The following OTOG variants were observed in gnomAD, a reference collection of about 807,000 sequenced individuals.
The protein encoded by OTOG is otogelin.
Under a neutral mutation model 313.8 loss-of-function variants are expected in OTOG, and 296 were observed. The ratio of observed to expected loss-of-function variants is 0.94; its 90% CI spans 0.86 to 1.04. The LOEUF (loss-of-function observed/expected upper bound fraction) is 1.04, where lower values mean the gene tolerates loss of function less well. OTOG is among the 50% of genes least tolerant of loss of function. The pLI is 0.00. For synonymous variants in OTOG, 1,533 were observed against 1,554.9 expected (o/e 0.99, Z 0.33); for missense variants, 3,948 against 3,840.1 (o/e 1.03, Z -0.74).
At chr11:17,595,967 ATCTG>A in intron 28 of OTOG, 67 bp from the exon 29 acceptor site, 1 of 1,080,716 alleles carries the variant, frequency 9.3e-7, no homozygotes. Context: ...CCACCCTAAA[ATCTG>A]TCTGTCATGT....
intron 37 of OTOG, 108 bp from the exon 38 acceptor site, chr11:17,612,512 G>T (rs1444840459): frequency 4.2e-6 from 6 of 1,422,484 alleles, no homozygotes; most frequent in Non-Finnish European, 5.6e-6. Flanking sequence ...CAGACCCCAG[G>T]CCTCTGCATC....
At chr11:17,602,809 A>G (rs1370550470) in intron 32 of OTOG, among the ~76,000 whole-genome samples, 2 of 152,028 alleles carry the variant, frequency 1.3e-5, no homozygotes, top group Admixed American at 1.3e-4. Context: ...CCAAGCACAG[A>G]GCCAGGTACT....
rs1213974041 is a variant in OTOG at position 17,557,101 on chromosome 11, T to C, written c.660-17T>C. The C allele has an allele frequency of 6.5e-7, 1 of 1,547,772 alleles. No homozygotes were observed. Among genetic ancestry groups the C allele is most frequent in the East Asian group, 2.4e-5 (1 of 40,916 alleles). On this transcript the variant is annotated splice_polypyrimidine_tract_variant and intron_variant, in intron 7 of 55. Transcript: ENST00000399397. ...AGGTGTTGTGGATACCCTGAAGCTCTGGGATGTGCCCTGCAGGGTCCAACT... is the reference window on the plus strand; with the variant it reads ...AGGTGTTGTGGATACCCTGAAGCTCCGGGATGTGCCCTGCAGGGTCCAACT...
chr11:17,549,175 C>T (rs1851878516), intron 3 of OTOG, among the ~76,000 whole-genome samples: 1 of 152,212 alleles, frequency 6.6e-6, no homozygotes, highest in Non-Finnish European at 1.5e-5. Context: ...GCATTTGTCT[C>T]CCTCTTTCTA....
intron 23 of OTOG, among the ~76,000 whole-genome samples, chr11:17,584,880 A>G (rs2134046981): frequency 6.6e-6 from 1 of 152,344 alleles, no homozygotes; most frequent in East Asian, 1.9e-4. Context: ...TTTATTTTAT[A>G]AATGTTGCAA....
chr11:17,568,196 C>T (rs1327392787), intron 15 of OTOG, among the ~76,000 whole-genome samples: 6 of 152,134 alleles, frequency 3.9e-5, no homozygotes, highest in Non-Finnish European at 7.4e-5. Flanking sequence ...CGTGAGCCAC[C>T]GCACCCGGCC....
chr11:17,549,812 C>T (rs140251701), intron 3 of OTOG, among the ~76,000 whole-genome samples: 39 of 151,786 alleles, frequency 2.6e-4, no homozygotes, highest in African/African-American at 9.4e-4. Flanking sequence ...CTCAGAGCAA[C>T]GAGGAATTAG....
At chr11:17,590,150 G>T (rs2134055303) in intron 24 of OTOG, among the ~76,000 whole-genome samples, 1 of 152,300 alleles carries the variant, frequency 6.6e-6, no homozygotes, top group East Asian at 1.9e-4. Context: ...TCTACCTGTA[G>T]TCCAATCCAT....
intron 15 of OTOG, among the ~76,000 whole-genome samples, chr11:17,562,045 AAATATATAT>A (rs1189900120): frequency 3.3e-5 from 4 of 120,220 alleles, no homozygotes; most frequent in African/African-American, 1.7e-4. Flanking sequence ...CCTAAAAAAA[AAATATATAT>A]ATATATATAT....
intron 3 of OTOG, among the ~76,000 whole-genome samples, chr11:17,551,368 G>A (rs1268099159): frequency 3.9e-5 from 6 of 152,166 alleles, no homozygotes; most frequent in Non-Finnish European, 8.8e-5. Context: ...TGCTCTGGGA[G>A]TTCTGTCTGG....
At chr11:17,601,500 G>A (rs1853249385) in intron 31 of OTOG, among the ~76,000 whole-genome samples, 1 of 151,476 alleles carries the variant, frequency 6.6e-6, no homozygotes, top group Non-Finnish European at 1.5e-5. Context: ...GGGGGAGGTG[G>A]GCAGGGGCTG....
chr11:17,610,616 C>G lies in OTOG; in HGVS notation c.5316C>G (p.Ala1772=), dbSNP rs933676518. Residue 1772 remains alanine (A), a synonymous_variant, in exon 36 of 56, where the codon GCC becomes GCG. Coordinates refer to ENST00000399397, the MANE Select transcript of OTOG (RefSeq NM_001292063.2). ...CTCTGCCCCCAGAGACCCCAGCTGC[C>G]GCCAGCCTGTCAACAGCCACTGATG... ...SPALPPETPA[A]ASLSTATDGL... 8.4e-6 allele frequency: 13 copies of G among 1,550,654 alleles called. No individual in the cohort carries two copies. The highest frequency in any genetic ancestry group is 1.1e-5 in the Non-Finnish European group (13 of 1,146,984).
intron 1 of OTOG, 130 bp from the exon 2 acceptor site, chr11:17,547,797 A>G (rs1041086007): frequency 1.1e-4 from 48 of 431,280 alleles, no homozygotes; most frequent in Non-Finnish European, 1.8e-4. Flanking sequence ...GGATTTGAGA[A>G]GGCTGCAGGG....
Position 17,602,250 on chromosome 11 carries a change from C to T in OTOG, c.3750C>T (p.Ala1250=), listed in dbSNP as rs1565112385. ...CCTATCAGCTATCCAGCTTGGCAGC[C>T]GGTGGTGCTCTGGTGGGCATGAAGG... The part of the protein sequence containing the change: ...KGPYQLSSLA[A]GGALVGMKAV... The change falls in exon 32 of 56, where the codon GCC becomes GCT. Residue 1250 remains alanine, a synonymous_variant. Coordinates refer to ENST00000399397, the MANE Select transcript of OTOG (RefSeq NM_001292063.2). 1.3e-5 allele frequency: 20 copies of T among 1,550,528 alleles called. No individual in the cohort carries two copies. The highest frequency in any genetic ancestry group is 1.7e-4 in the Middle Eastern group (1 of 5,972).
intron 32 of OTOG, among the ~76,000 whole-genome samples, chr11:17,603,037 T>C (rs1405799466): frequency 1.3e-5 from 2 of 152,134 alleles, no homozygotes; most frequent in Non-Finnish European, 2.9e-5. Flanking sequence ...AGCTCAGGAT[T>C]TGGGACTTTA....
In OTOG at chr11:17,561,585, C is replaced by T. The variant is rs981540780; in HGVS notation, c.1499-77C>T. The T allele has an allele frequency of 5.4e-6, 8 of 1,468,520 alleles. No homozygotes were observed. The African/African-American group carries it at 8.4e-5, about 15-fold the overall frequency. The allele number at this position is 1,468,520 out of a possible 1,614,324, so 91.0% of individuals were successfully genotyped here. A position where few individuals can be genotyped will look rare whatever the true frequency, so the allele number is the denominator to read the frequency against. The stretch of plus-strand genomic sequence containing the variant: ...TCTGGAGGGCAGGGTGCTGTGTCCT[C>T]CTCATACTTGGAGCTTGCAGGGCAG... On this transcript the variant is annotated intron_variant, in intron 14 of 55. Coordinates refer to ENST00000399397, the MANE Select transcript of OTOG (RefSeq NM_001292063.2).
In OTOG at chr11:17,606,075, G is replaced by A. The variant is rs976267798; in HGVS notation, c.4096G>A (p.Ala1366Thr). The A allele has an allele frequency of 1.3e-6, 2 of 1,550,142 alleles. No homozygotes were observed. Among genetic ancestry groups the A allele is most frequent in the Non-Finnish European group, 1.7e-6 (2 of 1,146,872 alleles). The part of the protein sequence containing the change: ...SFLYVSGAVL[A>T]LRLYEHTEVF... Reference sequence around the variant, plus strand: ...CCTCTATGTGTCGGGCGCGGTGCTGGCCCTGCGGCTGTACGAACACACAGA... The same window carrying A: ...CCTCTATGTGTCGGGCGCGGTGCTGACCCTGCGGCTGTACGAACACACAGA... Residue 1366 changes from alanine (A) to threonine (T), a missense_variant, in exon 33 of 56, where the codon GCC (alanine) becomes ACC (threonine). Physicochemically the swap from Ala to Thr is moderately conservative, Grantham distance 58. Coordinates refer to ENST00000399397, the MANE Select transcript of OTOG (RefSeq NM_001292063.2).
At chr11:17,564,348 A>G (rs1320572323) in intron 15 of OTOG, among the ~76,000 whole-genome samples, 4 of 152,234 alleles carry the variant, frequency 2.6e-5, no homozygotes, top group Admixed American at 2.6e-4. Flanking sequence ...GTCAGAAAAA[A>G]GGATCAGGGA....
chr11:17,643,125 C>A (rs1848007622), intron 53 of OTOG, among the ~76,000 whole-genome samples: 1 of 152,216 alleles, frequency 6.6e-6, no homozygotes. Context: ...AAGTGGGTGA[C>A]CCCTGCGCCC....
Sources: gnomAD v4.1 joint callset for allele counts (sites outside exome capture counted in the v4.1 genomes callset) on GRCh38, gnomAD v4.1.1 for gene constraint, MANE v1.5 for transcripts, NCBI Gene and HGNC (gene_info 2026-07-23, HGNC 2026-07-21) for gene names.